Variants in TNIK observed in about 807,000 individuals in gnomAD.
TNIK encodes the protein TRAF2 and NCK interacting kinase.
Under a neutral mutation model 191.3 loss-of-function variants are expected in TNIK, and 49 were observed. The observed-to-expected ratio is 0.26, with a 90% confidence interval of 0.20 to 0.32. The LOEUF (loss-of-function observed/expected upper bound fraction) is 0.32, where lower values mean the gene tolerates loss of function less well. TNIK is among the 10% of genes least tolerant of loss of function. The pLI, the probability that TNIK is intolerant of heterozygous loss-of-function variation, is 1.00. For synonymous variants in TNIK, 594 were observed against 600.9 expected, an observed-to-expected ratio of 0.99 and a Z score of 0.17; for missense variants, 1,155 against 1,702.3, an observed-to-expected ratio of 0.68 and a Z score of 5.66.
intron 2 of TNIK, among the ~76,000 whole-genome samples, chr3:171,306,271 CAGTT>C (rs1438787071): frequency 2.6e-5 from 4 of 152,094 alleles, no homozygotes; most frequent in Admixed American, 2.6e-4. Context: ...GTACTATGCT[CAGTT>C]ACTCAAGTCA....
chr3:171,308,953 T>A (rs1334959916), intron 2 of TNIK, among the ~76,000 whole-genome samples: 1 of 152,166 alleles, frequency 6.6e-6, no homozygotes, highest in Admixed American at 6.6e-5. Flanking sequence ...CTGGTGGAAA[T>A]GTAAATTCAT....
intron 19 of TNIK, among the ~76,000 whole-genome samples, chr3:171,109,290 TACCTA>T (rs1725479228): frequency 6.6e-6 from 1 of 152,208 alleles, no homozygotes; most frequent in African/African-American, 2.4e-5. Flanking sequence ...GCCTTCCGGG[TACCTA>T]GGACTACAGG....
At chr3:171,207,718 C>T (rs1038927382) in intron 4 of TNIK, among the ~76,000 whole-genome samples, 1 of 152,134 alleles carries the variant, frequency 6.6e-6, no homozygotes, top group African/African-American at 2.4e-5. Flanking sequence ...AAATTGTTGA[C>T]AATGTAGAAG....
In TNIK at chr3:171,063,617, C is replaced by A; in HGVS notation, c.*264G>T. 2.6e-6 allele frequency: 1 copy of A among 379,028 alleles called. No individual in the cohort carries two copies. The highest frequency in any genetic ancestry group is 4.7e-6 in the Non-Finnish European group (1 of 211,028). 23.5% of individuals were successfully genotyped at this position (379,028 alleles called of 1,614,324 possible). ...TGTTTCTATCCCTAATTCCGAAGGG[C>A]ACATGGTCCATCTTTGTCCACAGAC... On this transcript the variant is annotated 3_prime_UTR_variant, in exon 33 of 33. Coordinates refer to ENST00000436636, the MANE Select transcript of TNIK (RefSeq NM_015028.4).
intron 26 of TNIK, 59 bp downstream of exon 26, chr3:171,084,096 G>T: frequency 6.8e-7 from 1 of 1,462,352 alleles, no homozygotes; most frequent in Non-Finnish European, 9.0e-7. Context: ...TAATGTTTGA[G>T]GGTCAGTTCA....
chr3:171,365,161 C>CTTTTTTTTTTTTTTTTTT lies in TNIK; in HGVS notation c.123+4441_123+4458dup, dbSNP rs60887361. ...AAGGACTACACAAAAGGACTACATTCTTTTTTTTTTTTTTTTTTTTTTTTT... is the reference window on the plus strand; with the variant it reads ...AAGGACTACACAAAAGGACTACATTCTTTTTTTTTTTTTTTTTTTTTTTTTTTTTTTTTTTTTTTTTTT... On this transcript the variant is annotated intron_variant, in intron 2 of 32. Coordinates refer to ENST00000436636, the MANE Select transcript of TNIK (RefSeq NM_015028.4). Among the ~76,000 whole-genome samples, 71 of 31,934 alleles carry CTTTTTTTTTTTTTTTTTT rather than the reference C, an allele frequency of 2.2e-3. 18 individuals carry two copies. The highest frequency in any genetic ancestry group is 3.9e-3 in the Non-Finnish European group (61 of 15,444). The allele number at this position is 31,934 out of a possible 152,430, so 20.9% of individuals were successfully genotyped here.
At chr3:171,387,775 G>A (rs1718926303) in intron 1 of TNIK, among the ~76,000 whole-genome samples, 1 of 152,140 alleles carries the variant, frequency 6.6e-6, no homozygotes, top group African/African-American at 2.4e-5. Context: ...CAAACCACTA[G>A]GAGTGAGGCA....
intron 11 of TNIK, among the ~76,000 whole-genome samples, chr3:171,160,149 C>T (rs555162201): frequency 5.9e-5 from 9 of 152,220 alleles, no homozygotes; most frequent in African/African-American, 1.7e-4. Context: ...GCAGCTAAAC[C>T]GGGGACGGCC....
At chr3:171,429,619 G>A (rs1177722785) in intron 1 of TNIK, among the ~76,000 whole-genome samples, 1 of 152,150 alleles carries the variant, frequency 6.6e-6, no homozygotes, top group Non-Finnish European at 1.5e-5. Flanking sequence ...CTATTAGCCT[G>A]TTCAATCTTA....
At chr3:171,170,527 AG>A (rs886733953) in intron 9 of TNIK, among the ~76,000 whole-genome samples, 4 of 152,216 alleles carry the variant, frequency 2.6e-5, no homozygotes, top group Non-Finnish European at 5.9e-5. Context: ...TATGTGTCTC[AG>A]TTTCCCTGGC....
intron 9 of TNIK, among the ~76,000 whole-genome samples, chr3:171,169,816 CAG>C (rs1391041990): frequency 6.6e-6 from 1 of 152,156 alleles, no homozygotes; most frequent in Non-Finnish European, 1.5e-5. Flanking sequence ...AGAAAAAACT[CAG>C]AGATATTCAA....
chr3:171,384,069 T>C (rs751306689), intron 1 of TNIK, among the ~76,000 whole-genome samples: 1 of 152,228 alleles, frequency 6.6e-6, no homozygotes, highest in African/African-American at 2.4e-5. Context: ...CCCTTTTTGT[T>C]CTTGCTATCC....
chr3:171,206,705 G>T (rs1008059972), intron 4 of TNIK, among the ~76,000 whole-genome samples: 10 of 152,040 alleles, frequency 6.6e-5, no homozygotes, highest in Non-Finnish European at 5.9e-5. Context: ...GAGGCCCGGG[G>T]AAAGTCAATT....
At chr3:171,280,158 T>C (rs1389247092) in intron 2 of TNIK, among the ~76,000 whole-genome samples, 1 of 152,194 alleles carries the variant, frequency 6.6e-6, no homozygotes, top group African/African-American at 2.4e-5. Context: ...ACACCCCATA[T>C]CACACCAGTC....
chr3:171,150,819 G>A (rs2108680377), intron 12 of TNIK, among the ~76,000 whole-genome samples: 1 of 152,234 alleles, frequency 6.6e-6, no homozygotes, highest in East Asian at 1.9e-4. Flanking sequence ...ACGAAAATGT[G>A]CTCTGGAAAA....
At chr3:171,241,899 C>T (rs542755927) in intron 2 of TNIK, among the ~76,000 whole-genome samples, 3 of 152,074 alleles carry the variant, frequency 2.0e-5, no homozygotes, top group African/African-American at 7.2e-5. Flanking sequence ...CCATCATTCT[C>T]AGCAAGCTAT....
chr3:171,420,477 C>T (rs927529200), intron 1 of TNIK, among the ~76,000 whole-genome samples: 2 of 152,114 alleles, frequency 1.3e-5, no homozygotes, highest in Non-Finnish European at 2.9e-5. Flanking sequence ...ATGCTGAGGA[C>T]ATGAGAGTTC....
intron 2 of TNIK, chr3:171,347,038 A>T: frequency 8.6e-7 from 1 of 1,158,460 alleles, no homozygotes; most frequent in Non-Finnish European, 1.2e-6. Flanking sequence ...CATATGAGAG[A>T]TGTGCAATGC....
At position 171,159,143 on chromosome 3, in the gene TNIK, C is replaced by T. The variant is rs571810795; in HGVS notation, c.1017-1479G>A. On this transcript the variant is annotated intron_variant, in intron 11 of 32. Transcript: ENST00000436636. This position sits in a 1 kb window ranked among gnomAD's most constrained non-coding sequence, Gnocchi z 4.1. ...GGGTACAGGGGCAAGCACAGCAAGCCGGACTGCTGCTGCAGAGTGGTTCTG... is the reference window on the plus strand; with the variant it reads ...GGGTACAGGGGCAAGCACAGCAAGCTGGACTGCTGCTGCAGAGTGGTTCTG... Among the ~76,000 whole-genome samples, 11 of 152,232 alleles carry T rather than the reference C, an allele frequency of 7.2e-5. No individual in the cohort carries two copies. The South Asian group carries it at 1.7e-3, about 23-fold the overall frequency.
Sources: gnomAD v4.1 joint callset for allele counts (sites outside exome capture counted in the v4.1 genomes callset) on GRCh38, gnomAD v4.1.1 for gene constraint, Gnocchi (gnomAD v3.1) non-coding constraint, MANE v1.5 for transcripts, NCBI Gene and HGNC (gene_info 2026-07-23, HGNC 2026-07-21) for gene names.